DNAH6: variants seen among roughly 807,000 people sequenced by gnomAD.
DNAH6 encodes axonemal beta dynein heavy chain 6.
In DNAH6, 340 loss-of-function variants were observed where a neutral mutation model predicts 491.4. The ratio of observed to expected loss-of-function variants is 0.69; its 90% CI spans 0.63 to 0.76. DNAH6 has a LOEUF of 0.76. Among genes scored for constraint, DNAH6 ranks in the 30% least tolerant of loss-of-function variants. The probability of loss-of-function intolerance (pLI) is 0.00; values close to 1 mark genes in which losing one functional copy is unlikely to be tolerated. For missense variants in DNAH6, 4,443 were observed against 4,972.2 expected, an observed-to-expected ratio of 0.89 and a Z score of 3.20; for synonymous variants, 1,603 against 1,686.1, an observed-to-expected ratio of 0.95 and a Z score of 1.21.
At chr2:84,493,234 C>T in the DNAH6 span, among the ~76,000 whole-genome samples, 1 of 152,068 alleles carries the variant, frequency 6.6e-6, no homozygotes, top group Non-Finnish European at 1.5e-5. Context: ...TATATGTATA[C>T]AAATTCTGTA....
Position 84,781,553 on chromosome 2 carries a change from T to C in DNAH6, c.10764T>C (p.Asp3588=). Reference sequence around the variant, plus strand: ...CTATTGCTGAAAAAATGGTCAAGGATGCAATGAAATCAGGAAACTGGGTAT... The same window carrying C: ...CTATTGCTGAAAAAATGGTCAAGGACGCAATGAAATCAGGAAACTGGGTAT... The part of the protein sequence containing the change: ...QGPIAEKMVK[D]AMKSGNWVFL... The change falls in exon 65 of 77, where the codon GAT becomes GAC. Residue 3588 remains aspartate (D), a synonymous_variant. Transcript: ENST00000389394. 1 of 1,551,680 alleles carries C rather than the reference T, an allele frequency of 6.4e-7. No individual in the cohort carries two copies. Among genetic ancestry groups the C allele is most frequent in the East Asian group, 2.4e-5 (1 of 40,914 alleles).
chr2:84,538,407 C>A (rs1677909721), intron 4 of DNAH6, among the ~76,000 whole-genome samples: 2 of 152,138 alleles, frequency 1.3e-5, no homozygotes. Flanking sequence ...TCTTTCAATT[C>A]TATGATTTCA....
intron 37 of DNAH6, among the ~76,000 whole-genome samples, chr2:84,659,833 G>T (rs1000385413): frequency 6.6e-6 from 1 of 151,994 alleles, no homozygotes; most frequent in Non-Finnish European, 1.5e-5. Context: ...AATTTTTTTA[G>T]TATCCAAGCT....
At chr2:84,738,405 C>A (rs1477474750) in intron 62 of DNAH6, among the ~76,000 whole-genome samples, 1 of 152,048 alleles carries the variant, frequency 6.6e-6, no homozygotes, top group Non-Finnish European at 1.5e-5. Flanking sequence ...GGTCAATTTT[C>A]TGCCTCAGTG....
Position 84,556,552 on chromosome 2 carries a change from CTTTATA to C in DNAH6, c.1603-1177_1603-1172del, listed in dbSNP as rs1450913097. Reference sequence around the variant, plus strand: ...CTTTATCTCATTTTCTCTAATTAGACTTTATATTTATTATAAATTACAAACTGATTC... The same window carrying C: ...CTTTATCTCATTTTCTCTAATTAGACTTTATTATAAATTACAAACTGATTC... On this transcript the variant is annotated intron_variant, in intron 10 of 76. Coordinates refer to ENST00000389394, the MANE Select transcript of DNAH6 (RefSeq NM_001370.2). Among the ~76,000 whole-genome samples, 13 of 152,278 alleles carry C rather than the reference CTTTATA, an allele frequency of 8.5e-5. No individual in the cohort carries two copies. In the South Asian group the frequency reaches 2.3e-3, roughly 27 times the overall value.
chr2:84,756,993 A>G (rs1267742995), intron 63 of DNAH6, among the ~76,000 whole-genome samples: 3 of 152,216 alleles, frequency 2.0e-5, no homozygotes, highest in Admixed American at 2.0e-4. Flanking sequence ...GGTGATAAAG[A>G]GGGAAGAGAT....
the DNAH6 span, among the ~76,000 whole-genome samples, chr2:84,487,859 A>G: frequency 6.6e-5 from 10 of 152,298 alleles, no homozygotes; most frequent in Admixed American, 1.3e-4. Flanking sequence ...TGGACCTGGT[A>G]CCAAGTCCCT....
chr2:84,550,957 C>G (rs762724340), intron 9 of DNAH6, among the ~76,000 whole-genome samples: 2 of 152,160 alleles, frequency 1.3e-5, no homozygotes, highest in African/African-American at 2.4e-5. Flanking sequence ...AGTACAAATT[C>G]GTGCATTCCA....
At position 84,624,905 on chromosome 2, in the gene DNAH6, C is replaced by A; in HGVS notation, c.4357C>A (p.Arg1453Ser). The A allele has an allele frequency of 6.5e-7, 1 of 1,545,658 alleles. No individual in the cohort carries two copies. Among genetic ancestry groups the A allele is most frequent in the Non-Finnish European group, 8.7e-7 (1 of 1,144,722 alleles). ...GATAATGCATTGCTTTCTTCAGGAT[C>A]GCTGCTATCTTTGCCTCATGGGAGC... is the stretch of plus-strand genomic sequence containing the variant. ...PRLVITPLTD[R>S]CYLCLMGALQ... The change falls in exon 29 of 77, where the codon CGC becomes AGC. Residue 1453 changes from arginine to serine, a missense_variant. This residue lies in a region of DNAH6 where 2,977 missense variants were observed against 3,296.6 expected (regional missense o/e 0.90). Transcript: ENST00000389394.
At chr2:84,621,925 G>A (rs1161818136) in intron 26 of DNAH6, among the ~76,000 whole-genome samples, 2 of 151,996 alleles carry the variant, frequency 1.3e-5, no homozygotes, top group East Asian at 3.9e-4. Flanking sequence ...CTATTTCTAG[G>A]CTCTAATTCT....
chr2:84,566,404 C>T (rs1681194941), intron 11 of DNAH6, among the ~76,000 whole-genome samples: 1 of 151,812 alleles, frequency 6.6e-6, no homozygotes, highest in Non-Finnish European at 1.5e-5. Context: ...TGCTAAAAAC[C>T]CATATGATGG....
At chr2:84,508,382 C>T in the DNAH6 span, among the ~76,000 whole-genome samples, 4 of 152,084 alleles carry the variant, frequency 2.6e-5, no homozygotes, top group Admixed American at 1.3e-4. Context: ...TCTCTGATGG[C>T]AGTTTGTATA....
the DNAH6 span, among the ~76,000 whole-genome samples, chr2:84,476,103 TAA>T: frequency 6.6e-6 from 1 of 152,242 alleles, no homozygotes; most frequent in African/African-American, 2.4e-5. Context: ...CAGATTTTGT[TAA>T]AGTATCCCAA....
chr2:84,688,510 G>A lies in DNAH6; in HGVS notation c.7209G>A (p.Gln2403=). The A allele has an allele frequency of 6.5e-7, 1 of 1,544,254 alleles. No homozygotes were observed. The highest frequency in any genetic ancestry group is 8.7e-7 in the Non-Finnish European group (1 of 1,145,480). ...PDIEKTANVL[Q]DYLDDYNLTN... ...TAGAGAAAACTGCAAATGTTCTACA[G>A]GACTATCTTGATGATTATAATCTCA... The change falls in exon 45 of 77, where the codon CAG becomes CAA. Residue 2403 remains glutamine (Q), a synonymous_variant. Transcript: ENST00000389394.
chr2:84,496,900 A>T, the DNAH6 span, among the ~76,000 whole-genome samples: 1 of 151,532 alleles, frequency 6.6e-6, no homozygotes, highest in Admixed American at 6.6e-5. Context: ...TAACTGATCT[A>T]TTCCCTATCA....
At position 84,557,766 on chromosome 2, in the gene DNAH6, A is replaced by G; in HGVS notation, c.1634A>G (p.Gln545Arg). 3 of 1,609,710 alleles carry G rather than the reference A, an allele frequency of 1.9e-6. No individual in the cohort carries two copies. Among genetic ancestry groups the G allele is most frequent in the Non-Finnish European group, 2.5e-6 (3 of 1,177,138 alleles). ...DGILGAVNHC[Q>R]NTVLSVPNLV... Reference sequence around the variant, plus strand: ...ATTTTGGGTGCAGTTAATCACTGTCAAAACACTGTGTTATCAGTTCCTAAT... The same window carrying G: ...ATTTTGGGTGCAGTTAATCACTGTCGAAACACTGTGTTATCAGTTCCTAAT... The change falls in exon 11 of 77, where the codon CAA becomes CGA. Residue 545 changes from glutamine (Q) to arginine (R), a missense_variant. Gln to Arg is a conservative substitution (Grantham distance 43). Coordinates refer to ENST00000389394, the MANE Select transcript of DNAH6 (RefSeq NM_001370.2).
At chr2:84,711,037 A>G (rs897045521) in intron 56 of DNAH6, among the ~76,000 whole-genome samples, 1 of 152,140 alleles carries the variant, frequency 6.6e-6, no homozygotes, top group Non-Finnish European at 1.5e-5. Flanking sequence ...ATAGCTTACA[A>G]TTGAGGTGGG....
rs755154297 is a variant in DNAH6 at position 84,669,380 on chromosome 2, A to G, written c.6176A>G (p.Tyr2059Cys). The G allele has an allele frequency of 1.3e-6, 2 of 1,551,984 alleles. No individual in the cohort carries two copies. Among genetic ancestry groups the G allele is most frequent in the South Asian group, 1.2e-5 (1 of 84,058 alleles). The change falls in exon 38 of 77, where the codon TAC (tyrosine) becomes TGC (cysteine). Residue 2059 changes from tyrosine to cysteine, a missense_variant. Transcript: ENST00000389394. Reference sequence around the variant, plus strand: ...GAACGAATCATACCTACTTTCAAATACAACCGAGATGTTCCATTTTTTGAA... The same window carrying G: ...GAACGAATCATACCTACTTTCAAATGCAACCGAGATGTTCCATTTTTTGAA... Reference protein sequence around the residue: ...PWERIIPTFKYNRDVPFFEML... With the variant: ...PWERIIPTFKCNRDVPFFEML...
At chr2:84,516,257 C>T (rs891003521), upstream of DNAH6, among the ~76,000 whole-genome samples, 1 of 152,234 alleles carries the variant, frequency 6.6e-6, no homozygotes, top group Non-Finnish European at 1.5e-5. Context: ...CCTCCTTTGG[C>T]TGCTCTGCCT....
Sources: gnomAD v4.1 joint callset for allele counts (sites outside exome capture counted in the v4.1 genomes callset) on GRCh38, gnomAD v4.1.1 for gene constraint, gnomAD v4.1.1 regional missense constraint, MANE v1.5 for transcripts, NCBI Gene and HGNC (gene_info 2026-07-23, HGNC 2026-07-21) for gene names.